The following BCL11B variants were observed in gnomAD, a reference collection of about 807,000 sequenced individuals.
The protein encoded by BCL11B is B-cell lymphoma/leukemia 11B.
BCL11B carries 8 observed loss-of-function variants against 49.9 expected under a neutral mutation model. The ratio of observed to expected loss-of-function variants is 0.16; its 90% CI spans 0.09 to 0.29. BCL11B has a LOEUF of 0.29. Ranked by LOEUF, BCL11B falls within the 10% of genes least tolerant of loss-of-function variation. The probability of loss-of-function intolerance (pLI) is 1.00; values close to 1 mark genes in which losing one functional copy is unlikely to be tolerated. For missense variants in BCL11B, 1,006 were observed against 1,351.0 expected (o/e 0.74, Z 4.00); for synonymous variants, 739 against 637.4 (o/e 1.16, Z -2.40).
intron 3 of BCL11B, among the ~76,000 whole-genome samples, chr14:99,199,453 T>C (rs1189065347): frequency 6.6e-6 from 1 of 152,240 alleles, no homozygotes; most frequent in Admixed American, 6.5e-5. Context: ...GCTGAGAATC[T>C]GCACAGACGC....
At chr14:99,233,049 G>A (rs1157027188) in intron 2 of BCL11B, among the ~76,000 whole-genome samples, 1 of 152,126 alleles carries the variant, frequency 6.6e-6, no homozygotes, top group East Asian at 1.9e-4. Context: ...TGTGGCTGAG[G>A]AACCAGTAAA....
rs1889706649 is a variant in BCL11B at position 99,272,083 on chromosome 14, G to C, written c.-865C>G. Reference sequence around the variant, plus strand: ...GCGGGCCCGGGGGGAGCGGGGCGGAGGGGCGGCTCGCCCAGTGCGCCTGGG... The same window carrying C: ...GCGGGCCCGGGGGGAGCGGGGCGGACGGGCGGCTCGCCCAGTGCGCCTGGG... On this transcript the variant is annotated 5_prime_UTR_variant, in exon 1 of 4. Transcript: ENST00000357195. The surrounding 1 kb of genome is among the most constrained non-coding windows in gnomAD (Gnocchi z 6.0). Among the ~76,000 whole-genome samples, 1 of 151,918 alleles carries C rather than the reference G, an allele frequency of 6.6e-6. No homozygotes were observed. Among genetic ancestry groups the C allele is most frequent in the Admixed American group, 6.6e-5 (1 of 15,260 alleles).
intron 3 of BCL11B, among the ~76,000 whole-genome samples, chr14:99,183,823 C>T (rs1389155765): frequency 6.6e-6 from 1 of 151,906 alleles, no homozygotes; most frequent in Non-Finnish European, 1.5e-5. Context: ...CACATGCCGC[C>T]CTCCACACCG....
intron 3 of BCL11B, among the ~76,000 whole-genome samples, chr14:99,224,969 T>C (rs1888117926): frequency 6.6e-6 from 1 of 152,058 alleles, no homozygotes; most frequent in African/African-American, 2.4e-5. Context: ...CCCCAGAGTC[T>C]CAAACCCAGG....
rs1477637150 is a variant in BCL11B, at chr14:99,226,531, G to A, written c.640+4814C>T. Among the ~76,000 whole-genome samples the A allele has an allele frequency of 5.3e-5, 8 of 152,238 alleles. 1 individual carries two copies. The highest frequency in any genetic ancestry group is 1.9e-4 in the East Asian group (1 of 5,170). Reference sequence around the variant, plus strand: ...CCGTTTGGCTTCCCATGGATCCTCCGGTGTTAATCGAACCCAGTCCAGAAT... The same window carrying A: ...CCGTTTGGCTTCCCATGGATCCTCCAGTGTTAATCGAACCCAGTCCAGAAT... On this transcript the variant is annotated intron_variant, in intron 3 of 3. Coordinates refer to ENST00000357195, the MANE Select transcript of BCL11B (RefSeq NM_138576.4).
At chr14:99,198,416 T>A (rs960929421) in intron 3 of BCL11B, among the ~76,000 whole-genome samples, 9 of 152,182 alleles carry the variant, frequency 5.9e-5, no homozygotes, top group Non-Finnish European at 1.2e-4. Context: ...ACAGTTTTGA[T>A]TTGTGCTTGA....
At chr14:99,239,957 G>A (rs1008877007) in intron 2 of BCL11B, among the ~76,000 whole-genome samples, 7 of 152,162 alleles carry the variant, frequency 4.6e-5, no homozygotes, top group Non-Finnish European at 7.3e-5. Flanking sequence ...CCAGCAAGGA[G>A]GTTATTGGGA....
Position 99,170,957 on chromosome 14 carries a change from T to TG in BCL11B, c.*3193dup, listed in dbSNP as rs1886270317. The TG allele has an allele frequency of 4.3e-6, 1 of 232,586 alleles. No individual in the cohort carries two copies. The highest frequency in any genetic ancestry group is 2.2e-5 in the African/African-American group (1 of 45,296). 14.4% of individuals were successfully genotyped at this position (232,586 alleles called of 1,614,324 possible). ...CTGGTAAGGGCGGGAGAGGTGGTGG[T>TG]GGTGACCGCCACAGGAGTGATGGTA... is the stretch of plus-strand genomic sequence containing the variant. On this transcript the variant is annotated 3_prime_UTR_variant, in exon 4 of 4. Transcript: ENST00000357195.
intron 1 of BCL11B, among the ~76,000 whole-genome samples, chr14:99,266,842 CA>C (rs1889497492): frequency 6.6e-6 from 1 of 152,148 alleles, no homozygotes; most frequent in Non-Finnish European, 1.5e-5. Context: ...TCACAACAAG[CA>C]ACAGAGAATG....
In BCL11B at chr14:99,193,546, G is replaced by A. The variant is rs117987142; in HGVS notation, c.641-17351C>T. 1.1e-3 allele frequency among the ~76,000 whole-genome samples: 174 copies of A among 152,144 alleles called. 1 individual carries two copies. The East Asian group carries it at 0.031, about 27-fold the overall frequency. ...CAACATGCCGGAGAACTCGGATTCC[G>A]GCTGCAGAGGAGAGACCCTCCTCCC... On this transcript the variant is annotated intron_variant, in intron 3 of 3. Coordinates refer to ENST00000357195, the MANE Select transcript of BCL11B (RefSeq NM_138576.4).
intron 2 of BCL11B, among the ~76,000 whole-genome samples, chr14:99,233,896 G>A (rs779183804): frequency 3.3e-5 from 5 of 152,114 alleles, no homozygotes; most frequent in Admixed American, 2.6e-4. Flanking sequence ...GGGGGCAGCC[G>A]GGAGAGGGGC....
chr14:99,238,062 CTG>C (rs746430120), intron 2 of BCL11B, among the ~76,000 whole-genome samples: 3 of 152,122 alleles, frequency 2.0e-5, no homozygotes, highest in Non-Finnish European at 4.4e-5. Flanking sequence ...ACCCACGACC[CTG>C]TGTGGCCACC....
rs147018998 is a variant in BCL11B, at chr14:99,226,057, C to T, written c.640+5288G>A. On this transcript the variant is annotated intron_variant, in intron 3 of 3. Coordinates refer to ENST00000357195, the MANE Select transcript of BCL11B (RefSeq NM_138576.4). Reference sequence around the variant, plus strand: ...GCAGGTGCTAGGGTGGAATCAACAGCGCTTGCACGCCAGGAAGAGCAACAG... The same window carrying T: ...GCAGGTGCTAGGGTGGAATCAACAGTGCTTGCACGCCAGGAAGAGCAACAG... 7.5e-4 allele frequency among the ~76,000 whole-genome samples: 115 copies of T among 152,350 alleles called. 3 individuals are homozygous for T. The East Asian group carries it at 0.017, about 22-fold the overall frequency.
In BCL11B at chr14:99,205,564, A is replaced by G. The variant is rs1887511506; in HGVS notation, c.640+25781T>C. Among the ~76,000 whole-genome samples the G allele has an allele frequency of 6.6e-6, 1 of 152,108 alleles. No individual in the cohort carries two copies. Among genetic ancestry groups the G allele is most frequent in the Non-Finnish European group, 1.5e-5 (1 of 68,018 alleles). On this transcript the variant is annotated intron_variant, in intron 3 of 3. Transcript: ENST00000357195. This position sits in a 1 kb window ranked among gnomAD's most constrained non-coding sequence, Gnocchi z 5.0. The stretch of plus-strand genomic sequence containing the variant: ...TCCTGGGCGCTCTGTGAACTTTGTG[A>G]TGCCTGAGATGAGCTCCCTTTTCCA...
intron 1 of BCL11B, among the ~76,000 whole-genome samples, chr14:99,258,637 G>A (rs2748812): frequency 1.8e-4 from 27 of 152,300 alleles, no homozygotes; most frequent in Non-Finnish European, 2.8e-4. Flanking sequence ...GGCTGGAACC[G>A]GCTTGCAGAG....
chr14:99,187,794 T>TCCTCCTCCA (rs56008024), intron 3 of BCL11B, among the ~76,000 whole-genome samples: 1 of 151,768 alleles, frequency 6.6e-6, no homozygotes, highest in East Asian at 1.9e-4. Flanking sequence ...CTCCTCCTCC[T>TCCTCCTCCA]GGAGACAGGA....
intron 3 of BCL11B, among the ~76,000 whole-genome samples, chr14:99,227,259 T>G (rs970917344): frequency 1.3e-5 from 2 of 152,214 alleles, no homozygotes; most frequent in African/African-American, 4.8e-5. Context: ...CGCTCGTGCA[T>G]GGACTCTAAC....
At chr14:99,268,383 T>C (rs1217337823) in intron 1 of BCL11B, among the ~76,000 whole-genome samples, 1 of 151,082 alleles carries the variant, frequency 6.6e-6, no homozygotes, top group Non-Finnish European at 1.5e-5. Context: ...CTGAAGGACC[T>C]GAGGTTGCTG....
rs1004435395 is a variant in BCL11B at position 99,271,593 on chromosome 14, A to G, written c.-375T>C. On this transcript the variant is annotated 5_prime_UTR_variant, in exon 1 of 4. Transcript: ENST00000357195. ...AATATATTCTTTCGAAGGAAAAAAA[A>G]TCTCTTACACTTCTTCAAACTGCTT... 4.5e-5 allele frequency: 9 copies of G among 201,478 alleles called. No homozygotes were observed. Among genetic ancestry groups the G allele is most frequent in the Non-Finnish European group, 9.3e-5 (9 of 97,258 alleles). 12.5% of individuals were successfully genotyped at this position (201,478 alleles called of 1,614,324 possible).
Sources: gnomAD v4.1 joint callset for allele counts (sites outside exome capture counted in the v4.1 genomes callset) on GRCh38, gnomAD v4.1.1 for gene constraint, Gnocchi (gnomAD v3.1) non-coding constraint, MANE v1.5 for transcripts, NCBI Gene and HGNC (gene_info 2026-07-23, HGNC 2026-07-21) for gene names.